DNAAF9: variants seen among roughly 807,000 people sequenced by gnomAD.
The protein encoded by DNAAF9 is shulin.
Under a neutral mutation model 167.0 loss-of-function variants are expected in DNAAF9, and 90 were observed. That is an observed-to-expected ratio of 0.54 (90% confidence interval 0.45 to 0.64). The LOEUF (loss-of-function observed/expected upper bound fraction) is 0.64. Ranked by LOEUF, DNAAF9 falls within the 30% of genes least tolerant of loss-of-function variation. The pLI, the probability that DNAAF9 is intolerant of heterozygous loss-of-function variation, is 0.00. For missense variants in DNAAF9, 1,315 were observed against 1,442.2 expected (o/e 0.91, Z 1.43); for synonymous variants, 491 against 508.8 (o/e 0.96, Z 0.47).
At chr20:3,357,742 A>T (rs775458547) in intron 7 of DNAAF9, among the ~76,000 whole-genome samples, 2 of 151,232 alleles carry the variant, frequency 1.3e-5, no homozygotes, top group Non-Finnish European at 2.9e-5. Context: ...CCCGGGCTGG[A>T]GTGTGGAGCG....
intron 20 of DNAAF9, among the ~76,000 whole-genome samples, chr20:3,312,845 T>C (rs987140370): frequency 6.6e-6 from 1 of 152,186 alleles, no homozygotes. Context: ...TCTGCTTCTA[T>C]TCAATTTCCC....
intron 6 of DNAAF9, among the ~76,000 whole-genome samples, chr20:3,361,507 G>C (rs1434565376): frequency 6.6e-6 from 1 of 152,150 alleles, no homozygotes; most frequent in Non-Finnish European, 1.5e-5. Context: ...AGGGTAAGGG[G>C]AGAAGGCAGA....
chr20:3,315,676 G>T lies in DNAAF9; in HGVS notation c.1590+59C>A. The T allele has an allele frequency of 7.7e-7, 1 of 1,295,158 alleles. No homozygotes were observed. Among genetic ancestry groups the T allele is most frequent in the Non-Finnish European group, 1.1e-6 (1 of 888,984 alleles). 80.2% of individuals were successfully genotyped at this position (1,295,158 alleles called of 1,614,324 possible). A position where few individuals can be genotyped will look rare whatever the true frequency, so the allele number is the denominator to read the frequency against. On this transcript the variant is annotated intron_variant, in intron 19 of 36. Transcript: ENST00000252032. The surrounding 1 kb of genome is among the most constrained non-coding windows in gnomAD (Gnocchi z 4.1). ...AGATGAAGCATTTTAATACCTTTATGAATTGCTTACATTATTTTTTGATAT... is the reference window on the plus strand; with the variant it reads ...AGATGAAGCATTTTAATACCTTTATTAATTGCTTACATTATTTTTTGATAT...
chr20:3,346,510 T>G (rs529141042), intron 8 of DNAAF9, among the ~76,000 whole-genome samples: 1 of 152,280 alleles, frequency 6.6e-6, no homozygotes, highest in African/African-American at 2.4e-5. Context: ...ATATGTTTAC[T>G]TTGTTAAGAA....
At chr20:3,364,307 T>C (rs780581508) in intron 6 of DNAAF9, among the ~76,000 whole-genome samples, 14 of 152,220 alleles carry the variant, frequency 9.2e-5, no homozygotes, top group Non-Finnish European at 1.6e-4. Flanking sequence ...CCAGACACCA[T>C]GAATTTTACC....
At chr20:3,319,010 G>A (rs2069559941) in intron 16 of DNAAF9, among the ~76,000 whole-genome samples, 1 of 150,080 alleles carries the variant, frequency 6.7e-6, no homozygotes, top group Non-Finnish European at 1.5e-5. Context: ...TTGAACCTGG[G>A]AGGTGGAGGC....
intron 1 of DNAAF9, among the ~76,000 whole-genome samples, chr20:3,393,057 A>G (rs983680943): frequency 2.0e-5 from 3 of 152,234 alleles, no homozygotes; most frequent in African/African-American, 7.2e-5. Context: ...TTCACTTAAC[A>G]TTATACCTCA....
intron 31 of DNAAF9, 72 bp downstream of exon 31, chr20:3,264,366 T>C: frequency 1.3e-6 from 1 of 780,746 alleles, no homozygotes; most frequent in Non-Finnish European, 2.2e-6. Context: ...TCTCTCTTTT[T>C]TTTTTTCTGT....
intron 10 of DNAAF9, among the ~76,000 whole-genome samples, chr20:3,332,804 T>G (rs2069855827): frequency 6.6e-6 from 1 of 152,120 alleles, no homozygotes; most frequent in South Asian, 2.1e-4. Context: ...TATTATTTTT[T>G]AAAGACACAG....
chr20:3,268,357 T>C (rs946034855), intron 30 of DNAAF9, among the ~76,000 whole-genome samples: 6 of 143,596 alleles, frequency 4.2e-5, no homozygotes, highest in Non-Finnish European at 7.6e-5. Flanking sequence ...TGAGATGGAG[T>C]TTCTCTTTGT....
chr20:3,285,017 C>A (rs1218722388), intron 27 of DNAAF9, among the ~76,000 whole-genome samples: 1 of 152,134 alleles, frequency 6.6e-6, no homozygotes, highest in Non-Finnish European at 1.5e-5. Flanking sequence ...CTCCCTCCTG[C>A]CCTCCACTCC....
chr20:3,310,005 C>A (rs184590724), intron 20 of DNAAF9, among the ~76,000 whole-genome samples: 31 of 152,106 alleles, frequency 2.0e-4, no homozygotes, highest in Admixed American at 1.5e-3. Flanking sequence ...CCAGCCTGAC[C>A]GACATAGAGA....
chr20:3,308,814 T>TAAAA (rs778450449), intron 20 of DNAAF9, among the ~76,000 whole-genome samples: 5 of 137,976 alleles, frequency 3.6e-5, no homozygotes, highest in African/African-American at 1.3e-4. Flanking sequence ...CCATCTCTAC[T>TAAAA]AAAAAAAAAA....
At position 3,322,645 on chromosome 20, in the gene DNAAF9, T is replaced by G. The variant is rs2069637136; in HGVS notation, c.1310+7A>C. The G allele has an allele frequency of 6.2e-7, 1 of 1,605,782 alleles. No individual in the cohort carries two copies. Among genetic ancestry groups the G allele is most frequent in the South Asian group, 1.1e-5 (1 of 90,938 alleles). Reference sequence around the variant, plus strand: ...CATGTAAGGATGCACCACAATCATATACGCACCTTCCCTGATTATTCACAG... The same window carrying G: ...CATGTAAGGATGCACCACAATCATAGACGCACCTTCCCTGATTATTCACAG... On this transcript the variant is annotated splice_region_variant and intron_variant, in intron 15 of 36. Transcript: ENST00000252032.
At chr20:3,317,017 C>T (rs1469191525) in intron 17 of DNAAF9, among the ~76,000 whole-genome samples, 1 of 150,642 alleles carries the variant, frequency 6.6e-6, no homozygotes, top group East Asian at 2.0e-4. Context: ...GACTCATCCT[C>T]CCGAATAGCT....
intron 10 of DNAAF9, among the ~76,000 whole-genome samples, chr20:3,335,757 CAA>C (rs151182468): frequency 0.019 from 1,856 of 98,192 alleles, 30 homozygotes; most frequent in African/African-American, 0.048. Flanking sequence ...AACTCCGTCT[CAA>C]AAAAAAAAAA....
At position 3,348,628 on chromosome 20, in the gene DNAAF9, G is replaced by A; in HGVS notation, c.691-5C>T. 6.4e-7 allele frequency: 1 copy of A among 1,556,432 alleles called. No individual in the cohort carries two copies. Among genetic ancestry groups the A allele is most frequent in the South Asian group, 1.2e-5 (1 of 85,556 alleles). Reference sequence around the variant, plus strand: ...ATGTTCAAAAGCCACCAAATCCTGGGAAAAAAAGGAAAAAGATAACGTGTT... The same window carrying A: ...ATGTTCAAAAGCCACCAAATCCTGGAAAAAAAAGGAAAAAGATAACGTGTT... On this transcript the variant is annotated splice_polypyrimidine_tract_variant and splice_region_variant and intron_variant, in intron 7 of 36. Coordinates refer to ENST00000252032, the MANE Select transcript of DNAAF9 (RefSeq NM_001009984.3).
Position 3,322,279 on chromosome 20 carries a change from A to T in DNAAF9, c.1311-17T>A, listed in dbSNP as rs767778678. 12 of 1,582,638 alleles carry T rather than the reference A, an allele frequency of 7.6e-6. No homozygotes were observed. Among genetic ancestry groups the T allele is most frequent in the Middle Eastern group, 3.3e-4 (2 of 6,022 alleles). ...GGTACAATTCTAGGAGGGGAAAGAG[A>T]TGGAAGACTATGTTAAAGAGTTTTT... On this transcript the variant is annotated splice_polypyrimidine_tract_variant and intron_variant, in intron 15 of 36. Coordinates refer to ENST00000252032, the MANE Select transcript of DNAAF9 (RefSeq NM_001009984.3).
At chr20:3,382,373 C>CA (rs1192392889) in intron 2 of DNAAF9, 54 bp downstream of exon 2, 4 of 1,408,714 alleles carry the variant, frequency 2.8e-6, no homozygotes, top group East Asian at 2.3e-5. Flanking sequence ...TTCCTGTGAA[C>CA]AAAAAAAGCC....
Sources: gnomAD v4.1 joint callset for allele counts (sites outside exome capture counted in the v4.1 genomes callset) on GRCh38, gnomAD v4.1.1 for gene constraint, Gnocchi (gnomAD v3.1) non-coding constraint, MANE v1.5 for transcripts, NCBI Gene and HGNC (gene_info 2026-07-23, HGNC 2026-07-21) for gene names.